Variants in ZNF605 observed in about 807,000 individuals in gnomAD.
ZNF605 encodes the protein zinc finger protein 605.
In ZNF605, 9 loss-of-function variants were observed where a neutral mutation model predicts 7.9. That is an observed-to-expected ratio of 1.14 (90% confidence interval 0.68 to 1.98). The LOEUF (loss-of-function observed/expected upper bound fraction) is 1.98, where lower values mean the gene tolerates loss of function less well. Among genes scored for constraint, ZNF605 ranks in the 30% most tolerant of loss-of-function variants. The probability of loss-of-function intolerance (pLI) is 0.00; values close to 1 mark genes in which losing one functional copy is unlikely to be tolerated. For missense variants in ZNF605, 673 were observed against 762.4 expected (o/e 0.88, Z 1.38); for synonymous variants, 255 against 260.1 (o/e 0.98, Z 0.19).
intron 3 of ZNF605, among the ~76,000 whole-genome samples, chr12:132,938,539 G>A (rs1952392138): frequency 6.6e-6 from 1 of 152,130 alleles, no homozygotes; most frequent in Admixed American, 6.6e-5. Context: ...GACCTCAGGT[G>A]ATTTGCCCGC....
chr12:132,955,798 A>C (rs1473766456), intron 1 of ZNF605, among the ~76,000 whole-genome samples: 1 of 151,876 alleles, frequency 6.6e-6, no homozygotes, highest in East Asian at 1.9e-4. Flanking sequence ...CAGAGTCCTA[A>C]TCGCTGCAGA....
chr12:132,919,096 TTGCCTAAC>T lies in ZNF605; in HGVS notation c.*6269_*6276del, dbSNP rs1183740466. The T allele has an allele frequency of 1.3e-5, 2 of 152,270 alleles. No homozygotes were observed. The highest frequency in any genetic ancestry group is 4.8e-5 in the African/African-American group (2 of 41,464). The allele number at this position is 152,270 out of a possible 1,614,324, so 9.4% of individuals were successfully genotyped here. On this transcript the variant is annotated 3_prime_UTR_variant, in exon 5 of 5. Coordinates refer to ENST00000360187, the MANE Select transcript of ZNF605 (RefSeq NM_183238.4). ...GCCTGGCTGCAGTGGTAACACTCCA[TTGCCTAAC>T]TGCTCCTTTCACATGAGCACGCACT...
At position 132,926,831 on chromosome 12, in the gene ZNF605, T is replaced by C. The variant is rs1424902053; in HGVS notation, c.468A>G (p.Pro156=). The change falls in exon 5 of 5, where the codon CCA becomes CCG. Residue 156 remains proline (P), a synonymous_variant. Coordinates refer to ENST00000360187, the MANE Select transcript of ZNF605 (RefSeq NM_183238.4). ...GTGTTATGTGATTAGCAGTGAGCCA[T>C]GGCTCTTCGTTGCTGGATTTTCTAC... ...STCRKSSNEE[P]WLTANHITHT... 2 of 1,614,116 alleles carry C rather than the reference T, an allele frequency of 1.2e-6. No homozygotes were observed. The highest frequency in any genetic ancestry group is 1.7e-6 in the Non-Finnish European group (2 of 1,180,054).
At chr12:132,938,617 T>C (rs1952393117) in intron 3 of ZNF605, among the ~76,000 whole-genome samples, 1 of 152,214 alleles carries the variant, frequency 6.6e-6, no homozygotes, top group South Asian at 2.1e-4. Context: ...TCGCTTGTTC[T>C]CGGCACCTCC....
At chr12:132,938,811 C>T (rs1593590876) in intron 3 of ZNF605, among the ~76,000 whole-genome samples, 2 of 152,012 alleles carry the variant, frequency 1.3e-5, no homozygotes, top group South Asian at 2.1e-4. Context: ...GCTGGAGTTC[C>T]GGGTGGGCGT....
intron 1 of ZNF605, among the ~76,000 whole-genome samples, chr12:132,955,553 T>C (rs1952627897): frequency 6.6e-6 from 1 of 152,088 alleles, no homozygotes; most frequent in Non-Finnish European, 1.5e-5. Context: ...GGGAGATCTT[T>C]GCAGTGAGCC....
Position 132,952,523 on chromosome 12 carries a change from C to T in ZNF605, c.-286+3720G>A, listed in dbSNP as rs899847219. ...ATGGGCAGAAGATATTCCTCCCAGACGTCGTAGAGGCTTGTGGGAGGAGGT... is the reference window on the plus strand; with the variant it reads ...ATGGGCAGAAGATATTCCTCCCAGATGTCGTAGAGGCTTGTGGGAGGAGGT... On this transcript the variant is annotated intron_variant, in intron 1 of 4. Coordinates refer to ENST00000360187, the MANE Select transcript of ZNF605 (RefSeq NM_183238.4). Among the ~76,000 whole-genome samples, 18 of 150,890 alleles carry T rather than the reference C, an allele frequency of 1.2e-4. 1 individual carries two copies. In the East Asian group the frequency reaches 1.6e-3, roughly 13 times the overall value.
intron 4 of ZNF605, among the ~76,000 whole-genome samples, chr12:132,929,670 G>A (rs2137128683): frequency 6.6e-6 from 1 of 152,226 alleles, no homozygotes; most frequent in Admixed American, 6.5e-5. Flanking sequence ...ATCCAGGCCG[G>A]GTGCGGTGGC....
rs767087471 is a variant in ZNF605 at position 132,925,985 on chromosome 12, C to T, written c.1314G>A (p.Thr438=). 26 of 1,613,794 alleles carry T rather than the reference C, an allele frequency of 1.6e-5. No individual in the cohort carries two copies. The East Asian group carries it at 3.6e-4, about 22-fold the overall frequency. ...KTFFGKSQLL[T]HHRTHTGEKP... The stretch of plus-strand genomic sequence containing the variant: ...TCTCCCCAGTGTGTGTTCTGTGATG[C>T]GTTAGGAGCTGGGACTTCCCAAAGA... The change falls in exon 5 of 5, where the codon ACG becomes ACA. Residue 438 remains threonine (T), a synonymous_variant. Transcript: ENST00000360187.
At chr12:132,934,837 T>G (rs1428864113) in intron 3 of ZNF605, among the ~76,000 whole-genome samples, 3 of 152,066 alleles carry the variant, frequency 2.0e-5, no homozygotes, top group Admixed American at 6.5e-5. Flanking sequence ...AAGCTAGCAT[T>G]TACAGAATAT....
At position 132,922,431 on chromosome 12, in the gene ZNF605, T is replaced by C. The variant is rs1952213512; in HGVS notation, c.*2942A>G. 6.6e-6 allele frequency: 1 copy of C among 152,202 alleles called. No individual in the cohort carries two copies. The highest frequency in any genetic ancestry group is 1.5e-5 in the Non-Finnish European group (1 of 68,038). The allele number at this position is 152,202 out of a possible 1,614,324, so 9.4% of individuals were successfully genotyped here. On this transcript the variant is annotated 3_prime_UTR_variant, in exon 5 of 5. Coordinates refer to ENST00000360187, the MANE Select transcript of ZNF605 (RefSeq NM_183238.4). ...ATGCAGCAGAAAAGCACAAAGAACT[T>C]TGTATTTGTTATAATTTCTACTGCA...
rs1216997104 is a variant in ZNF605, at chr12:132,933,071, C to T, written c.100G>A (p.Val34Met). The change falls in exon 4 of 5, where the codon GTG (valine) becomes ATG (methionine). Residue 34 changes from valine (V) to methionine (M), a missense_variant. Physicochemically the swap from Val to Met is conservative, Grantham distance 21. Coordinates refer to ENST00000360187, the MANE Select transcript of ZNF605 (RefSeq NM_183238.4). The surrounding 1 kb of genome is among the most constrained non-coding windows in gnomAD (Gnocchi z 4.4). ...AGATTGCTATAGTTCTCCAACATCA[C>T]ATCTCTGTACAAGTTCTTCTGAGTA... Reference protein sequence around the residue: ...NPTQKNLYRDVMLENYSNLVF... With the variant: ...NPTQKNLYRDMMLENYSNLVF... 1.1e-5 allele frequency: 17 copies of T among 1,607,934 alleles called. No individual in the cohort carries two copies. The highest frequency in any genetic ancestry group is 2.7e-5 in the African/African-American group (2 of 74,746).
chr12:132,930,952 C>T (rs1248747649), intron 4 of ZNF605, among the ~76,000 whole-genome samples: 10 of 152,060 alleles, frequency 6.6e-5, no homozygotes, highest in Non-Finnish European at 1.0e-4. Flanking sequence ...GAGGCCAAGG[C>T]GGGAGGATCA....
Position 132,926,768 on chromosome 12 carries a change from A to G in ZNF605, c.531T>C (p.Phe177=), listed in dbSNP as rs1952252069. The G allele has an allele frequency of 2.5e-6, 4 of 1,613,926 alleles. No individual in the cohort carries two copies. Among genetic ancestry groups the G allele is most frequent in the Non-Finnish European group, 3.4e-6 (4 of 1,179,820 alleles). Residue 177 remains phenylalanine (F), a synonymous_variant, in exon 5 of 5, where the codon TTT becomes TTC. Transcript: ENST00000360187. ...TAACAAGTTGTGACTTCTTGTTAAA[A>G]AATCTGCCACATTCCATGCATAAAT... ...GVYLCMECGR[F]FNKKSQLVIH...
rs1403884053 is a variant in ZNF605 at position 132,925,837 on chromosome 12, C to A, written c.1462G>T (p.Glu488Ter). 6.2e-7 allele frequency: 1 copy of A among 1,614,180 alleles called. No individual in the cohort carries two copies. The highest frequency in any genetic ancestry group is 1.7e-5 in the Admixed American group (1 of 60,020). Residue 488 changes from glutamate to a stop codon, truncating the protein, a stop_gained, in exon 5 of 5, where the codon GAG (glutamate) becomes TAG (stop). Transcript: ENST00000360187. LOFTEE classifies it low-confidence loss of function (END_TRUNC). ...TGATGATGAATGAGACTTGACTTCT[C>A]ACTGAAGGTTTTCCTGCATTCACTG... ...ECSECRKTFSEKSSLIHHQRT... is the reference protein window; with the variant it reads ...ECSECRKTFS
In ZNF605 at chr12:132,924,094, T is replaced by G. The variant is rs1255746338; in HGVS notation, c.*1279A>C. 6.6e-6 allele frequency: 1 copy of G among 152,218 alleles called. No individual in the cohort carries two copies. Among genetic ancestry groups the G allele is most frequent in the African/African-American group, 2.4e-5 (1 of 41,454 alleles). The allele number at this position is 152,218 out of a possible 1,614,324, so 9.4% of individuals were successfully genotyped here. On this transcript the variant is annotated 3_prime_UTR_variant, in exon 5 of 5. Transcript: ENST00000360187. Reference sequence around the variant, plus strand: ...TCCTCTACTTTATATTTACAATAGCTCTTTTAATATCCTTGTCTACTAATT... The same window carrying G: ...TCCTCTACTTTATATTTACAATAGCGCTTTTAATATCCTTGTCTACTAATT...
At chr12:132,932,915 T>C (rs1952322079) in intron 4 of ZNF605, 120 bp downstream of exon 4, 1 of 1,380,266 alleles carries the variant, frequency 7.2e-7, no homozygotes, top group South Asian at 1.5e-5. Context: ...TGAATGAAAA[T>C]CTTTCAATTC....
chr12:132,943,373 CA>C (rs1248266783), intron 3 of ZNF605, among the ~76,000 whole-genome samples: 23 of 147,810 alleles, frequency 1.6e-4, no homozygotes, highest in African/African-American at 5.7e-4. Flanking sequence ...AAAAAAAAAA[CA>C]AAAAAAACCT....
chr12:132,933,308 C>T lies in ZNF605; in HGVS notation c.16-153G>A, dbSNP rs112209643. 2.0e-5 allele frequency among the ~76,000 whole-genome samples: 3 copies of T among 152,168 alleles called. No individual in the cohort carries two copies. The highest frequency in any genetic ancestry group is 4.4e-5 in the Non-Finnish European group (3 of 68,026). ...TTTTGCATAATCCTCCCCTCTTGAC[C>T]GTGGGCTGGACTCACTGACTCATTG... On this transcript the variant is annotated intron_variant, in intron 3 of 4. Transcript: ENST00000360187. This position sits in a 1 kb window ranked among gnomAD's most constrained non-coding sequence, Gnocchi z 4.4.
Sources: allele counts gnomAD v4.1 joint callset (sites outside exome capture counted in the v4.1 genomes callset), GRCh38; gene constraint gnomAD v4.1.1; non-coding constraint Gnocchi (gnomAD v3.1); transcripts MANE v1.5; gene names NCBI Gene and HGNC (gene_info 2026-07-23, HGNC 2026-07-21).